POLR3B: variants seen among roughly 807,000 people sequenced by gnomAD.
POLR3B encodes the protein RNA polymerase III subunit B, also known as DNA-directed RNA polymerase III subunit RPC2.
Under a neutral mutation model 147.4 loss-of-function variants are expected in POLR3B, and 96 were observed. That is an observed-to-expected ratio of 0.65 (90% CI 0.55 to 0.77). POLR3B has a LOEUF of 0.77. Ranked by LOEUF, POLR3B falls within the 30% of genes least tolerant of loss-of-function variation. The probability of loss-of-function intolerance (pLI) is 0.00; values close to 1 mark genes in which losing one functional copy is unlikely to be tolerated. For synonymous variants in POLR3B, 461 were observed against 485.9 expected (o/e 0.95, Z 0.67); for missense variants, 1,036 against 1,413.5 (o/e 0.73, Z 4.28).
At chr12:106,508,357 C>T in intron 27 of POLR3B, among the ~76,000 whole-genome samples, 1 of 152,218 alleles carries the variant, frequency 6.6e-6, no homozygotes, top group Non-Finnish European at 1.5e-5. Flanking sequence ...AATGGCCAAT[C>T]CTTTGTTCAC....
At chr12:106,398,327 C>T (rs576563442) in intron 10 of POLR3B, among the ~76,000 whole-genome samples, 2 of 152,170 alleles carry the variant, frequency 1.3e-5, no homozygotes, top group Non-Finnish European at 2.9e-5. Flanking sequence ...GTAAACAAAG[C>T]GGCTGGGAAG....
intron 23 of POLR3B, among the ~76,000 whole-genome samples, chr12:106,473,941 A>C (rs770469905): frequency 0.057 from 8,259 of 144,648 alleles, 325 homozygotes; most frequent in Middle Eastern, 0.083. Flanking sequence ...CTGTCCTGTG[A>C]CAGTTTTCAA....
intron 13 of POLR3B, among the ~76,000 whole-genome samples, chr12:106,427,795 C>G (rs1171701595): frequency 6.6e-6 from 1 of 152,110 alleles, no homozygotes; most frequent in Non-Finnish European, 1.5e-5. Flanking sequence ...GCAATGAATT[C>G]AGTTCTGGAT....
chr12:106,479,441 C>A (rs1020194569), intron 23 of POLR3B, among the ~76,000 whole-genome samples: 1 of 150,596 alleles, frequency 6.6e-6, no homozygotes, highest in African/African-American at 2.4e-5. Flanking sequence ...AGTGCAGTGG[C>A]GCAATCTTGG....
chr12:106,502,257 C>T (rs903783801), intron 26 of POLR3B, among the ~76,000 whole-genome samples: 2 of 152,078 alleles, frequency 1.3e-5, no homozygotes, highest in African/African-American at 4.8e-5. Context: ...AGTATGTCAG[C>T]GGTGCCGAGG....
intron 11 of POLR3B, among the ~76,000 whole-genome samples, chr12:106,406,184 T>C (rs1025423765): frequency 1.3e-5 from 2 of 152,240 alleles, no homozygotes; most frequent in Non-Finnish European, 2.9e-5. Flanking sequence ...TCATCATGTT[T>C]ATTCTCTTGT....
At chr12:106,389,615 A>C (rs1038996423) in intron 9 of POLR3B, among the ~76,000 whole-genome samples, 3 of 150,756 alleles carry the variant, frequency 2.0e-5, no homozygotes, top group African/African-American at 4.9e-5. Flanking sequence ...TTTTTTTTTA[A>C]TTTTGGAATA....
chr12:106,464,382 A>G (rs1397100477), intron 23 of POLR3B, among the ~76,000 whole-genome samples: 2 of 152,168 alleles, frequency 1.3e-5, no homozygotes, highest in Non-Finnish European at 2.9e-5. Context: ...ACAGGTGCTG[A>G]CTCATTTGAT....
rs773801173 is a variant in POLR3B at position 106,427,292 on chromosome 12, G to A, written c.1197G>A (p.Gln399=). The A allele has an allele frequency of 1.9e-6, 3 of 1,612,860 alleles. No homozygotes were observed. In the Admixed American group the frequency reaches 5.0e-5, roughly 27 times the overall value. Residue 399 remains glutamine, a synonymous_variant, in exon 13 of 28, where the codon CAG becomes CAA. Coordinates refer to ENST00000228347, the MANE Select transcript of POLR3B (RefSeq NM_018082.6). ...DQVIPKQRAA[Q]FDVVKHMRQD... is the part of the protein sequence containing the mutation. ...TGATTCCTAAGCAAAGAGCAGCCCA[G>A]TTTGATGTTGTCAAACACATGCGCC...
At chr12:106,358,561 C>G (rs1204470629) in intron 1 of POLR3B, among the ~76,000 whole-genome samples, 1 of 152,054 alleles carries the variant, frequency 6.6e-6, no homozygotes, top group African/African-American at 2.4e-5. Flanking sequence ...GTGCGGCTGT[C>G]GACATATTTT....
At chr12:106,464,086 C>G (rs2037974791) in intron 23 of POLR3B, among the ~76,000 whole-genome samples, 1 of 152,098 alleles carries the variant, frequency 6.6e-6, no homozygotes, top group Admixed American at 6.6e-5. Context: ...AGTGGCCAGT[C>G]AAGGATACAC....
intron 23 of POLR3B, among the ~76,000 whole-genome samples, chr12:106,482,326 C>G (rs1300072934): frequency 1.3e-5 from 2 of 152,148 alleles, no homozygotes; most frequent in African/African-American, 4.8e-5. Flanking sequence ...TTATTCCATT[C>G]TCACACTGCT....
chr12:106,426,267 T>TGTGTGTGTGTGTGTGTGTG (rs1565892652), intron 12 of POLR3B, among the ~76,000 whole-genome samples: 1 of 149,006 alleles, frequency 6.7e-6, no homozygotes, highest in African/African-American at 2.5e-5. Context: ...TGTGTGTGTG[T>TGTGTGTGTGTGTGTGTGTG]TTAAGACAGA....
At chr12:106,359,332 T>G (rs934939497) in intron 1 of POLR3B, among the ~76,000 whole-genome samples, 1 of 5,192 alleles carries the variant, frequency 1.9e-4, no homozygotes, top group Non-Finnish European at 8.6e-4. Flanking sequence ...GGCAAAACTA[T>G]TTTTTTTTTT....
At chr12:106,453,926 A>G (rs1254913999) in intron 19 of POLR3B, among the ~76,000 whole-genome samples, 1 of 152,210 alleles carries the variant, frequency 6.6e-6, no homozygotes, top group African/African-American at 2.4e-5. Context: ...GGCACAGAGT[A>G]GATGTTTATT....
intron 11 of POLR3B, among the ~76,000 whole-genome samples, chr12:106,409,784 T>C (rs2037201116): frequency 1.3e-5 from 2 of 152,054 alleles, no homozygotes; most frequent in African/African-American, 4.8e-5. Flanking sequence ...AAGAAGAAAT[T>C]TTAAAATAGT....
intron 1 of POLR3B, among the ~76,000 whole-genome samples, chr12:106,358,714 G>T (rs2036424534): frequency 6.6e-6 from 1 of 152,158 alleles, no homozygotes; most frequent in Non-Finnish European, 1.5e-5. Context: ...AACCTCCTCG[G>T]CAAGACCATT....
At chr12:106,363,672 A>C (rs1418508771) in intron 1 of POLR3B, among the ~76,000 whole-genome samples, 198 bp from the exon 2 acceptor site, 5 of 152,270 alleles carry the variant, frequency 3.3e-5, no homozygotes, top group Non-Finnish European at 7.3e-5. Flanking sequence ...TATTCTGTTT[A>C]GGAAACCTGT....
At chr12:106,386,184 A>G (rs990379505) in intron 9 of POLR3B, among the ~76,000 whole-genome samples, 1 of 152,076 alleles carries the variant, frequency 6.6e-6, no homozygotes, top group Non-Finnish European at 1.5e-5. Flanking sequence ...CATCTCTGCT[A>G]AAAATACAAA....
Sources: gnomAD v4.1 joint callset for allele counts (sites outside exome capture counted in the v4.1 genomes callset) on GRCh38, gnomAD v4.1.1 for gene constraint, MANE v1.5 for transcripts, NCBI Gene and HGNC (gene_info 2026-07-23, HGNC 2026-07-21) for gene names.